Variants in LRRC4C observed in about 807,000 individuals in gnomAD.
LRRC4C encodes the protein leucine rich repeat containing 4C, also known as leucine-rich repeat-containing protein 4C.
In LRRC4C, 5 loss-of-function variants were observed where a neutral mutation model predicts 33.6. The ratio of observed to expected loss-of-function variants is 0.15; its 90% CI spans 0.08 to 0.31. The LOEUF (loss-of-function observed/expected upper bound fraction) is 0.31. Ranked by LOEUF, LRRC4C falls within the 10% of genes least tolerant of loss-of-function variation. LRRC4C has a pLI of 1.00. For missense variants in LRRC4C, 560 were observed against 796.7 expected (o/e 0.70, Z 3.58); for synonymous variants, 329 against 302.0 (o/e 1.09, Z -0.93).
chr11:40,542,868 T>A (rs2135397238), intron 3 of LRRC4C, among the ~76,000 whole-genome samples: 1 of 152,276 alleles, frequency 6.6e-6, no homozygotes. Flanking sequence ...TTTTTGCTTT[T>A]GTGAATGTTT....
chr11:40,846,911 T>C (rs945128469), intron 2 of LRRC4C, among the ~76,000 whole-genome samples: 1 of 152,196 alleles, frequency 6.6e-6, no homozygotes, highest in Admixed American at 6.5e-5. Context: ...ATTTATTCTC[T>C]TTGTGGCAAT....
At chr11:41,378,537 C>G (rs193139796) in intron 1 of LRRC4C, among the ~76,000 whole-genome samples, 5 of 152,074 alleles carry the variant, frequency 3.3e-5, no homozygotes, top group Admixed American at 2.0e-4. Context: ...CTAGTGGAAA[C>G]AGTTCTGGGA....
rs533901851 is a variant in LRRC4C, at chr11:40,282,855, CA to C, written c.-176+36772del. Among the ~76,000 whole-genome samples the C allele has an allele frequency of 3.3e-3, 499 of 152,330 alleles. 2 individuals are homozygous for C. The highest frequency in any genetic ancestry group is 5.2e-3 in the Non-Finnish European group (355 of 68,026). On this transcript the variant is annotated intron_variant, in intron 4 of 6. Transcript: ENST00000528697. Reference sequence around the variant, plus strand: ...TGAATGTATGTATGCCTGGCTCCCACAAAGCCAGGTGTTCACATGTTGTCAA... The same window carrying C: ...TGAATGTATGTATGCCTGGCTCCCACAAGCCAGGTGTTCACATGTTGTCAA...
At chr11:41,032,221 T>A (rs746975171) in intron 1 of LRRC4C, among the ~76,000 whole-genome samples, 9 of 152,002 alleles carry the variant, frequency 5.9e-5, no homozygotes, top group Admixed American at 2.0e-4. Context: ...CCTGATGGGG[T>A]AGCCTGAGTT....
At chr11:41,383,772 T>C (rs1055757299) in intron 1 of LRRC4C, among the ~76,000 whole-genome samples, 1 of 151,592 alleles carries the variant, frequency 6.6e-6, no homozygotes, top group African/African-American at 2.4e-5. Context: ...CAAATGTAAA[T>C]TAACTCAGTG....
At chr11:40,772,151 A>C (rs568426538) in intron 2 of LRRC4C, among the ~76,000 whole-genome samples, 1 of 152,186 alleles carries the variant, frequency 6.6e-6, no homozygotes, top group Non-Finnish European at 1.5e-5. Flanking sequence ...ACCTTTCTGC[A>C]TGACTAGGGA....
chr11:41,059,680 G>A (rs374546919), intron 1 of LRRC4C, among the ~76,000 whole-genome samples: 15 of 152,040 alleles, frequency 9.9e-5, no homozygotes, highest in Non-Finnish European at 1.0e-4. Flanking sequence ...TCCTATCTCC[G>A]AAAAATTTGC....
intron 3 of LRRC4C, among the ~76,000 whole-genome samples, chr11:40,367,736 T>C (rs1948274276): frequency 6.6e-6 from 1 of 152,124 alleles, no homozygotes; most frequent in Non-Finnish European, 1.5e-5. Context: ...CTTCCTGATA[T>C]TTTTTATTAA....
chr11:41,250,916 G>C (rs1948617434), intron 1 of LRRC4C, among the ~76,000 whole-genome samples: 1 of 152,114 alleles, frequency 6.6e-6, no homozygotes, highest in African/African-American at 2.4e-5. Flanking sequence ...TCACAGTTCA[G>C]CAAATTTTAA....
chr11:41,429,367 T>C (rs1249385848), intron 1 of LRRC4C, among the ~76,000 whole-genome samples: 1 of 152,162 alleles, frequency 6.6e-6, no homozygotes, highest in Non-Finnish European at 1.5e-5. Context: ...ACAGGACTGA[T>C]GTCAAACATA....
rs115228015 is a variant in LRRC4C, at chr11:40,332,614, T to A, written c.-269-12893A>T. Among the ~76,000 whole-genome samples, 1,251 of 152,332 alleles carry A rather than the reference T, an allele frequency of 8.2e-3. 20 individuals carry two copies. Among genetic ancestry groups the A allele is most frequent in the African/African-American group, 0.026 (1,085 of 41,580 alleles). On this transcript the variant is annotated intron_variant, in intron 3 of 6. Coordinates refer to ENST00000528697, the MANE Select transcript of LRRC4C (RefSeq NM_001258419.2). The stretch of plus-strand genomic sequence containing the variant: ...TAAATTAAGGTATCTAATTTTAATT[T>A]AAAAAATATTCTTCCTTTCCTGGAC...
chr11:40,781,117 C>T (rs922148159), intron 2 of LRRC4C, among the ~76,000 whole-genome samples: 5 of 151,978 alleles, frequency 3.3e-5, no homozygotes, highest in African/African-American at 4.8e-5. Context: ...TCTACCAATC[C>T]GTACAGCATG....
At chr11:41,342,640 T>C (rs546949631) in intron 1 of LRRC4C, among the ~76,000 whole-genome samples, 1 of 152,158 alleles carries the variant, frequency 6.6e-6, no homozygotes, top group East Asian at 1.9e-4. Context: ...CTTTGAACCC[T>C]GGAGGCAGAG....
chr11:40,942,521 C>A (rs114825110), intron 1 of LRRC4C, among the ~76,000 whole-genome samples: 1 of 152,124 alleles, frequency 6.6e-6, no homozygotes, highest in African/African-American at 2.4e-5. Flanking sequence ...TACAGGACAA[C>A]ATGGTGAGTG....
At chr11:40,578,569 T>A (rs1159847982) in intron 3 of LRRC4C, among the ~76,000 whole-genome samples, 2 of 152,054 alleles carry the variant, frequency 1.3e-5, no homozygotes, top group Non-Finnish European at 2.9e-5. Flanking sequence ...CATACACACA[T>A]AACACACACT....
At chr11:40,356,841 T>C (rs1413098515) in intron 3 of LRRC4C, among the ~76,000 whole-genome samples, 2 of 152,136 alleles carry the variant, frequency 1.3e-5, no homozygotes, top group African/African-American at 4.8e-5. Context: ...GTGTTTAATA[T>C]ATATTTGATT....
At chr11:41,381,691 A>C (rs527839971) in intron 1 of LRRC4C, among the ~76,000 whole-genome samples, 1 of 151,916 alleles carries the variant, frequency 6.6e-6, no homozygotes, top group Non-Finnish European at 1.5e-5. Flanking sequence ...ATGAGTAAGC[A>C]TATATTTTTT....
intron 1 of LRRC4C, among the ~76,000 whole-genome samples, chr11:41,152,235 T>G (rs1255952680): frequency 6.6e-6 from 1 of 152,228 alleles, no homozygotes; most frequent in Non-Finnish European, 1.5e-5. Flanking sequence ...GATATTGCAT[T>G]GTTATCCTCA....
At chr11:40,795,534 T>A (rs4639923) in intron 2 of LRRC4C, among the ~76,000 whole-genome samples, 45,790 of 151,530 alleles carry the variant, frequency 0.3, 10,120 homozygotes, top group African/African-American at 0.63. Flanking sequence ...CGTCTCAAAA[T>A]AAATAAATAA....
Sources: gnomAD v4.1 joint callset for allele counts (sites outside exome capture counted in the v4.1 genomes callset) on GRCh38, gnomAD v4.1.1 for gene constraint, MANE v1.5 for transcripts, NCBI Gene and HGNC (gene_info 2026-07-23, HGNC 2026-07-21) for gene names.